Variants in ZFC3H1 observed in about 807,000 individuals in gnomAD.
ZFC3H1 encodes the protein zinc finger C3H1 domain-containing protein.
A neutral mutation model predicts 243.7 loss-of-function variants in ZFC3H1; 71 were observed. The observed-to-expected ratio is 0.29, with a 90% confidence interval of 0.24 to 0.36. The LOEUF is 0.36. ZFC3H1 is among the 10% of genes least tolerant of loss of function. The pLI is 1.00. For missense variants in ZFC3H1, 1,966 were observed against 2,317.1 expected, an observed-to-expected ratio of 0.85 and a Z score of 3.11; for synonymous variants, 838 against 813.0, an observed-to-expected ratio of 1.03 and a Z score of -0.52.
At chr12:71,649,780 GT>G (rs1880833014) in intron 2 of ZFC3H1, among the ~76,000 whole-genome samples, 1 of 152,182 alleles carries the variant, frequency 6.6e-6, no homozygotes, top group Non-Finnish European at 1.5e-5. Context: ...AAATCTACTG[GT>G]TGATTAGGAT....
chr12:71,618,480 T>C (rs374149665), intron 27 of ZFC3H1, among the ~76,000 whole-genome samples: 3 of 152,154 alleles, frequency 2.0e-5, no homozygotes, highest in African/African-American at 7.2e-5. Context: ...TATTTTCCTT[T>C]TGATGCTGTT....
intron 6 of ZFC3H1, chr12:71,639,487 T>C (rs1565819247): frequency 5.0e-6 from 1 of 198,202 alleles, no homozygotes; most frequent in Non-Finnish European, 1.0e-5. Flanking sequence ...AGACACTTGA[T>C]GGTGCTATTG....
At chr12:71,622,318 A>G (rs989573833) in intron 24 of ZFC3H1, among the ~76,000 whole-genome samples, 1 of 152,216 alleles carries the variant, frequency 6.6e-6, no homozygotes, top group Non-Finnish European at 1.5e-5. Context: ...ACTTTGTCAT[A>G]CTGATAGCCA....
rs781525140 is a variant in ZFC3H1, at chr12:71,636,989, G to A, written c.1796C>T (p.Pro599Leu). 1.2e-6 allele frequency: 2 copies of A among 1,613,978 alleles called. No individual in the cohort carries two copies. Among genetic ancestry groups the A allele is most frequent in the Non-Finnish European group, 1.7e-6 (2 of 1,179,956 alleles). ...CVSLEPLPPL[P>L]PLPPLPPEDP... ...TTCAGGTGGGAGAGGTGGTAATGGT[G>A]GTAGAGGAGGTAGAGGTTCAAGAGA... is the stretch of plus-strand genomic sequence containing the variant. The change falls in exon 8 of 35, where the codon CCA becomes CTA. Residue 599 changes from proline to leucine, a missense_variant. Physicochemically the swap from Pro to Leu is moderately conservative, Grantham distance 98. Around this residue, in one of 4 missense-constraint regions of ZFC3H1, gnomAD observed 1,383 missense variants for 1,723.7 expected, o/e 0.80. Transcript: ENST00000378743.
intron 7 of ZFC3H1, 75 bp downstream of exon 7, chr12:71,638,343 C>T: frequency 6.9e-7 from 1 of 1,445,032 alleles, no homozygotes; most frequent in Non-Finnish European, 9.5e-7. Context: ...CTCTTCAAAC[C>T]TAACCATTCG....
intron 20 of ZFC3H1, 60 bp downstream of exon 20, chr12:71,628,858 A>G: frequency 2.7e-6 from 4 of 1,504,822 alleles, no homozygotes; most frequent in East Asian, 2.4e-5. Flanking sequence ...GCAAAGTGTT[A>G]AATAAAGATG....
At chr12:71,620,790 A>G (rs1880006625) in intron 24 of ZFC3H1, among the ~76,000 whole-genome samples, 1 of 152,118 alleles carries the variant, frequency 6.6e-6, no homozygotes, top group Non-Finnish European at 1.5e-5. Flanking sequence ...CCTTGTAAAG[A>G]GTTCTTTCTT....
intron 1 of ZFC3H1, chr12:71,660,329 A>G (rs1565832655): frequency 6.6e-6 from 1 of 152,202 alleles, no homozygotes; most frequent in East Asian, 1.9e-4. Flanking sequence ...TCCTTCTCAA[A>G]TTCTTAAAAA....
chr12:71,623,100 C>T (rs942945522), intron 24 of ZFC3H1, among the ~76,000 whole-genome samples: 6 of 151,234 alleles, frequency 4.0e-5, no homozygotes, highest in South Asian at 4.2e-4. Flanking sequence ...ATTTTCTCTA[C>T]GCATTTAACA....
intron 1 of ZFC3H1, among the ~76,000 whole-genome samples, chr12:71,661,696 G>T (rs1367700266): frequency 6.6e-6 from 1 of 151,918 alleles, no homozygotes; most frequent in African/African-American, 2.4e-5. Context: ...TGGCCAAGCT[G>T]GTCTGGAACT....
chr12:71,634,596 T>A, intron 11 of ZFC3H1, 108 bp downstream of exon 11: 2 of 1,280,158 alleles, frequency 1.6e-6, no homozygotes, highest in Middle Eastern at 2.8e-4. Context: ...TAACTCTGTA[T>A]CTTGGATAAA....
Position 71,656,964 on chromosome 12 carries a change from T to C in ZFC3H1, c.936A>G (p.Gly312=). ...TAACTTTTTTCAAACGGTTCTTATC[T>C]CCTGGTAAAGTCAATTTTTGCCTGA... ...KPLRQKLTLP[G]DKNRLKKVKD... Residue 312 remains glycine (G), a synonymous_variant, in exon 2 of 35, where the codon GGA becomes GGG. Transcript: ENST00000378743. 1 of 1,613,946 alleles carries C rather than the reference T, an allele frequency of 6.2e-7. No homozygotes were observed. Among genetic ancestry groups the C allele is most frequent in the South Asian group, 1.1e-5 (1 of 91,070 alleles).
rs770112749 is a variant in ZFC3H1 at position 71,623,566 on chromosome 12, A to T, written c.4538T>A (p.Val1513Glu). 1 of 1,612,248 alleles carries T rather than the reference A, an allele frequency of 6.2e-7. No individual in the cohort carries two copies. The highest frequency in any genetic ancestry group is 1.3e-5 in the African/African-American group (1 of 74,884). The part of the protein sequence containing the change: ...NALKSANDGI[V>E]AEYLKTSDRC... ...ATCACTGGTTTTAAGGTATTCAGCT[A>T]CTATTCCATCATTAGCAGATTTCAA... Residue 1513 changes from valine to glutamate, a missense_variant, in exon 24 of 35, where the codon GTA becomes GAA. Around this residue, in one of 4 missense-constraint regions of ZFC3H1, gnomAD observed 1,383 missense variants for 1,723.7 expected, o/e 0.80. Transcript: ENST00000378743.
At chr12:71,618,142 G>A (rs1366209311) in intron 27 of ZFC3H1, among the ~76,000 whole-genome samples, 2 of 152,024 alleles carry the variant, frequency 1.3e-5, no homozygotes, top group African/African-American at 4.8e-5. Flanking sequence ...GTGTGCGCCT[G>A]TAATCCCAGC....
At chr12:71,611,169 A>C in intron 32 of ZFC3H1, 72 bp from the exon 33 acceptor site, 1 of 1,415,452 alleles carries the variant, frequency 7.1e-7, no homozygotes, top group South Asian at 1.5e-5. Flanking sequence ...GAACAAAATG[A>C]AACACCACCA....
intron 6 of ZFC3H1, chr12:71,639,553 AGT>A (rs1425344229): frequency 1.9e-5 from 3 of 160,404 alleles, no homozygotes; most frequent in Non-Finnish European, 4.1e-5. Flanking sequence ...GGGTGGACCT[AGT>A]GAGTGCAGTG....
chr12:71,618,128 G>C (rs1250131355), intron 27 of ZFC3H1, among the ~76,000 whole-genome samples: 3 of 152,026 alleles, frequency 2.0e-5, no homozygotes, highest in Admixed American at 6.6e-5. Context: ...AGCCGGGCGT[G>C]GGGGTGTGCG....
intron 3 of ZFC3H1, 140 bp from the exon 4 acceptor site, chr12:71,645,215 C>T (rs1880699263): frequency 6.8e-6 from 5 of 732,086 alleles, no homozygotes; most frequent in Non-Finnish European, 1.1e-5. Context: ...AATAAGTAAA[C>T]TAATTTACTT....
chr12:71,624,388 A>T, intron 22 of ZFC3H1, 96 bp from the exon 23 acceptor site: 2 of 1,280,892 alleles, frequency 1.6e-6, no homozygotes, highest in African/African-American at 1.5e-5. Flanking sequence ...TCTCATAGTA[A>T]ATCTTCAACT....
Sources: gnomAD v4.1 joint callset for allele counts (sites outside exome capture counted in the v4.1 genomes callset) on GRCh38, gnomAD v4.1.1 for gene constraint, gnomAD v4.1.1 regional missense constraint, MANE v1.5 for transcripts, NCBI Gene and HGNC (gene_info 2026-07-23, HGNC 2026-07-21) for gene names.